Variants in AFDN observed in about 807,000 individuals in gnomAD.
AFDN encodes afadin.
Under a neutral mutation model 216.6 loss-of-function variants are expected in AFDN, and 68 were observed. The observed-to-expected ratio is 0.31, with a 90% CI of 0.26 to 0.38. The LOEUF (loss-of-function observed/expected upper bound fraction) is 0.38. AFDN is among the 10% of genes least tolerant of loss of function. The pLI is 1.00. For missense variants in AFDN, 2,136 were observed against 2,342.0 expected (o/e 0.91, Z 1.82); for synonymous variants, 868 against 853.7 (o/e 1.02, Z -0.29).
At chr6:167,914,136 C>G in intron 16 of AFDN, 32 bp from the exon 17 acceptor site, 3 of 1,610,054 alleles carry the variant, frequency 1.9e-6, no homozygotes, top group Non-Finnish European at 2.5e-6. Flanking sequence ...TGTTTATTCT[C>G]TGTTGCTTAT....
chr6:167,872,212 A>G lies in AFDN; in HGVS notation c.415-2A>G, dbSNP rs569292940. 3.7e-6 allele frequency: 6 copies of G among 1,605,778 alleles called. No homozygotes were observed. Among genetic ancestry groups the G allele is most frequent in the Middle Eastern group, 1.7e-4 (1 of 5,980 alleles). The stretch of plus-strand genomic sequence containing the variant: ...ATATGGTGATAATGTTACTTTCATC[A>G]GAAGGCTCAAAGTAATGGACCTGAA... On this transcript the variant is annotated splice_acceptor_variant, in intron 3 of 33. Transcript: ENST00000683244. LOFTEE classifies it high-confidence loss of function.
intron 11 of AFDN, among the ~76,000 whole-genome samples, chr6:167,900,776 T>C (rs1399386273): frequency 6.6e-6 from 1 of 152,188 alleles, no homozygotes; most frequent in African/African-American, 2.4e-5. Flanking sequence ...CTGCTGTCAT[T>C]GTTACTCCTG....
chr6:167,926,902 A>G (rs1413456873), intron 23 of AFDN, among the ~76,000 whole-genome samples: 1 of 152,214 alleles, frequency 6.6e-6, no homozygotes, highest in Non-Finnish European at 1.5e-5. Flanking sequence ...TAGTAGGCAA[A>G]AAATACTTGT....
chr6:167,875,204 C>A, intron 4 of AFDN, 131 bp from the exon 5 acceptor site: 1 of 727,864 alleles, frequency 1.4e-6, no homozygotes, highest in Non-Finnish European at 2.3e-6. Flanking sequence ...GTAAATAGTA[C>A]GTAACAGACC....
At chr6:167,885,471 T>TA (rs1786677553) in intron 6 of AFDN, among the ~76,000 whole-genome samples, 1 of 152,184 alleles carries the variant, frequency 6.6e-6, no homozygotes, top group South Asian at 2.1e-4. Context: ...ATTTCAATGT[T>TA]ATGTCTCATA....
intron 5 of AFDN, among the ~76,000 whole-genome samples, chr6:167,879,948 A>C (rs1785903083): frequency 6.6e-6 from 1 of 152,224 alleles, no homozygotes; most frequent in African/African-American, 2.4e-5. Context: ...ATCAGGAAGT[A>C]GGAAAATGGG....
chr6:167,896,121 G>A (rs1296152038), intron 9 of AFDN, among the ~76,000 whole-genome samples: 1 of 151,914 alleles, frequency 6.6e-6, no homozygotes, highest in Non-Finnish European at 1.5e-5. Flanking sequence ...GGACTAGAGG[G>A]CTTCGGCAGA....
intron 1 of AFDN, among the ~76,000 whole-genome samples, chr6:167,851,211 T>C (rs1346731075): frequency 6.6e-6 from 1 of 152,260 alleles, no homozygotes; most frequent in Non-Finnish European, 1.5e-5. Context: ...CTTTTGTATT[T>C]AGTTTTGCTA....
intron 29 of AFDN, among the ~76,000 whole-genome samples, chr6:167,950,057 G>GT (rs1294597439): frequency 5.9e-5 from 9 of 152,170 alleles, no homozygotes; most frequent in Non-Finnish European, 1.0e-4. Flanking sequence ...CACAGTCTCT[G>GT]TTTTTATGTG....
chr6:167,842,330 C>T (rs1369410939), intron 1 of AFDN, among the ~76,000 whole-genome samples: 1 of 151,950 alleles, frequency 6.6e-6, no homozygotes, highest in African/African-American at 2.4e-5. Context: ...CCATTTTGCT[C>T]ATGTCTCAGG....
At chr6:167,913,325 T>C in intron 15 of AFDN, 78 bp from the exon 16 acceptor site, 1 of 1,409,382 alleles carries the variant, frequency 7.1e-7, no homozygotes, top group East Asian at 2.5e-5. Flanking sequence ...AGTGTTTTGA[T>C]TTTTTTAAAC....
At chr6:167,956,437 C>T (rs898776782) in intron 30 of AFDN, among the ~76,000 whole-genome samples, 2 of 152,164 alleles carry the variant, frequency 1.3e-5, no homozygotes, top group African/African-American at 2.4e-5. Context: ...CCCATCACCC[C>T]TGTCAGTCCA....
intron 29 of AFDN, among the ~76,000 whole-genome samples, chr6:167,949,273 G>A (rs868556166): frequency 2.6e-5 from 4 of 152,184 alleles, no homozygotes; most frequent in Admixed American, 1.3e-4. Flanking sequence ...GCCCTGGATC[G>A]CAGACGCTCT....
intron 23 of AFDN, among the ~76,000 whole-genome samples, chr6:167,926,863 C>A (rs1792608342): frequency 6.6e-6 from 1 of 152,158 alleles, no homozygotes; most frequent in South Asian, 2.1e-4. Context: ...TTGTAGCTAT[C>A]CCCACTCCCA....
chr6:167,839,116 G>A (rs2128121321), intron 1 of AFDN, among the ~76,000 whole-genome samples: 1 of 152,232 alleles, frequency 6.6e-6, no homozygotes, highest in South Asian at 2.1e-4. Flanking sequence ...TGTAGCTGCT[G>A]AACAGTAGCT....
chr6:167,841,067 T>C (rs1269582540), intron 1 of AFDN, among the ~76,000 whole-genome samples: 1 of 152,074 alleles, frequency 6.6e-6, no homozygotes, highest in East Asian at 1.9e-4. Flanking sequence ...AAAATGAAAC[T>C]GAAGGAGGTA....
At chr6:167,847,735 G>T (rs1333716063) in intron 1 of AFDN, among the ~76,000 whole-genome samples, 1 of 152,142 alleles carries the variant, frequency 6.6e-6, no homozygotes, top group Non-Finnish European at 1.5e-5. Context: ...GGTTGTTCCA[G>T]TAACCTCTTA....
intron 8 of AFDN, among the ~76,000 whole-genome samples, chr6:167,893,162 T>G (rs1200846529): frequency 2.0e-5 from 3 of 152,196 alleles, no homozygotes; most frequent in Non-Finnish European, 4.4e-5. Flanking sequence ...AAGGGTGACC[T>G]AAGGGTTGGT....
intron 19 of AFDN, among the ~76,000 whole-genome samples, chr6:167,916,762 TCATA>T (rs745869445): frequency 9.2e-5 from 14 of 152,176 alleles, no homozygotes; most frequent in Non-Finnish European, 1.9e-4. Context: ...ATGAAACTAT[TCATA>T]CACCAGTAAT....
Sources: gnomAD v4.1 joint callset for allele counts (sites outside exome capture counted in the v4.1 genomes callset) on GRCh38, gnomAD v4.1.1 for gene constraint, MANE v1.5 for transcripts, NCBI Gene and HGNC (gene_info 2026-07-23, HGNC 2026-07-21) for gene names.